Variants in DLGAP1 observed in about 807,000 individuals in gnomAD.
DLGAP1 encodes the protein DLG associated protein 1.
Under a neutral mutation model 90.8 loss-of-function variants are expected in DLGAP1, and 11 were observed. That is an observed-to-expected ratio of 0.12 (90% confidence interval 0.08 to 0.20). The LOEUF (loss-of-function observed/expected upper bound fraction) is 0.20. DLGAP1 is among the 10% of genes least tolerant of loss of function. DLGAP1 has a pLI of 1.00. For missense variants in DLGAP1, 1,050 were observed against 1,333.8 expected (o/e 0.79, Z 3.31); for synonymous variants, 558 against 540.7 (o/e 1.03, Z -0.44).
chr18:4,072,193 T>G (rs2075457510), intron 2 of DLGAP1, among the ~76,000 whole-genome samples: 1 of 152,154 alleles, frequency 6.6e-6, no homozygotes, highest in Non-Finnish European at 1.5e-5. Flanking sequence ...TCTGAAGACT[T>G]TCTCTTAGAA....
chr18:3,732,894 A>C (rs537286597), intron 6 of DLGAP1, among the ~76,000 whole-genome samples: 3 of 152,130 alleles, frequency 2.0e-5, no homozygotes, highest in Non-Finnish European at 4.4e-5. Flanking sequence ...TACTGGGTTA[A>C]TCATTGTTCT....
In DLGAP1 at chr18:4,136,589, T is replaced by C. The variant is rs917495653; in HGVS notation, c.-159+14591A>G. 8.5e-5 allele frequency among the ~76,000 whole-genome samples: 13 copies of C among 152,336 alleles called. 1 individual carries two copies. Among genetic ancestry groups the C allele is most frequent in the South Asian group, 6.2e-4 (3 of 4,834 alleles). ...TTTGCATATTTTTAAATTGCATTATTAGATATTTTCCTATAGATTTGCTTG... is the reference window on the plus strand; with the variant it reads ...TTTGCATATTTTTAAATTGCATTATCAGATATTTTCCTATAGATTTGCTTG... On this transcript the variant is annotated intron_variant, in intron 2 of 12. Transcript: ENST00000315677.
chr18:4,106,026 C>T (rs1396106335), intron 2 of DLGAP1, among the ~76,000 whole-genome samples: 3 of 89,420 alleles, frequency 3.4e-5, no homozygotes, highest in Admixed American at 3.5e-4. Flanking sequence ...AGCGAGGGTC[C>T]GTCTCAAAAA....
intron 7 of DLGAP1, among the ~76,000 whole-genome samples, chr18:3,633,801 G>A (rs145088586): frequency 1.3e-5 from 2 of 152,286 alleles, no homozygotes; most frequent in East Asian, 3.9e-4. Context: ...ACCCTCTAAA[G>A]TCCATTCATG....
intron 9 of DLGAP1, among the ~76,000 whole-genome samples, chr18:3,540,514 A>G (rs2144614827): frequency 6.6e-6 from 1 of 150,784 alleles, no homozygotes; most frequent in East Asian, 1.9e-4. Context: ...GCTCCCCCAA[A>G]AGAGGTTTAC....
intron 3 of DLGAP1, among the ~76,000 whole-genome samples, chr18:3,936,111 C>T (rs561432575): frequency 6.6e-6 from 1 of 152,124 alleles, no homozygotes; most frequent in Non-Finnish European, 1.5e-5. Context: ...CAGGCTGAAC[C>T]CCCCCAGAGA....
At chr18:3,912,780 A>T (rs1214079408) in intron 3 of DLGAP1, among the ~76,000 whole-genome samples, 1 of 151,986 alleles carries the variant, frequency 6.6e-6, no homozygotes, top group Non-Finnish European at 1.5e-5. Flanking sequence ...GACCAAGTCA[A>T]ATTTTCTTTC....
intron 10 of DLGAP1, among the ~76,000 whole-genome samples, chr18:3,515,328 A>G (rs921663546): frequency 5.3e-5 from 8 of 151,824 alleles, no homozygotes; most frequent in Non-Finnish European, 1.0e-4. Context: ...AAAATTAGCC[A>G]GGCGTGGTGG....
At chr18:4,026,247 C>A (rs1249575503) in intron 2 of DLGAP1, among the ~76,000 whole-genome samples, 1 of 152,102 alleles carries the variant, frequency 6.6e-6, no homozygotes, top group Admixed American at 6.6e-5. Context: ...TGAAACCATG[C>A]CAGGGGTCAG....
chr18:3,675,516 C>T (rs1242000635), intron 7 of DLGAP1, among the ~76,000 whole-genome samples: 2 of 152,252 alleles, frequency 1.3e-5, no homozygotes, highest in African/African-American at 2.4e-5. Flanking sequence ...TTGGGGCCCT[C>T]TGGCCTCAGA....
At chr18:4,179,934 T>G (rs2077178513) in intron 1 of DLGAP1, among the ~76,000 whole-genome samples, 1 of 152,110 alleles carries the variant, frequency 6.6e-6, no homozygotes, top group African/African-American at 2.4e-5. Flanking sequence ...ATCAGTTGTT[T>G]TGGGGTGAGT....
intron 1 of DLGAP1, among the ~76,000 whole-genome samples, chr18:4,390,218 T>A (rs1368872691): frequency 6.6e-6 from 1 of 151,926 alleles, no homozygotes; most frequent in African/African-American, 2.4e-5. Flanking sequence ...ATAAATCTTA[T>A]GTTTTTATAG....
At chr18:3,958,068 A>T (rs1041437153) in intron 3 of DLGAP1, among the ~76,000 whole-genome samples, 3 of 151,906 alleles carry the variant, frequency 2.0e-5, no homozygotes, top group Admixed American at 2.0e-4. Context: ...TAATCTTTGT[A>T]TTTTTAGTAG....
chr18:4,150,587 C>T (rs1482212339), intron 2 of DLGAP1, among the ~76,000 whole-genome samples: 1 of 152,188 alleles, frequency 6.6e-6, no homozygotes, highest in Non-Finnish European at 1.5e-5. Flanking sequence ...GCACCTGCCA[C>T]CACACCCAGC....
At chr18:3,678,018 A>G (rs368737636) in intron 7 of DLGAP1, among the ~76,000 whole-genome samples, 8 of 142,272 alleles carry the variant, frequency 5.6e-5, no homozygotes, top group African/African-American at 1.6e-4. Flanking sequence ...CTGGAGTGCA[A>G]TGGTGCAATC....
chr18:3,700,759 A>G (rs1039327953), intron 7 of DLGAP1, among the ~76,000 whole-genome samples: 8 of 151,824 alleles, frequency 5.3e-5, no homozygotes, highest in South Asian at 4.2e-4. Flanking sequence ...ACAGGCGCCC[A>G]CCACCACGCC....
At chr18:4,066,835 A>T (rs1326882953) in intron 2 of DLGAP1, among the ~76,000 whole-genome samples, 1 of 152,142 alleles carries the variant, frequency 6.6e-6, no homozygotes, top group African/African-American at 2.4e-5. Context: ...GTATATACTT[A>T]AAGGAATATA....
intron 4 of DLGAP1, among the ~76,000 whole-genome samples, chr18:3,815,707 T>C (rs1031005867): frequency 2.6e-5 from 4 of 152,168 alleles, no homozygotes; most frequent in African/African-American, 9.6e-5. Flanking sequence ...GATTTTCCAC[T>C]TCAACATGAA....
intron 1 of DLGAP1, among the ~76,000 whole-genome samples, chr18:4,304,748 T>C (rs1484401872): frequency 2.6e-5 from 4 of 152,102 alleles, no homozygotes; most frequent in Non-Finnish European, 5.9e-5. Flanking sequence ...CTGGCCAACA[T>C]GGTGAAACCT....
Sources: allele counts gnomAD v4.1 joint callset (sites outside exome capture counted in the v4.1 genomes callset), GRCh38; gene constraint gnomAD v4.1.1; transcripts MANE v1.5; gene names NCBI Gene and HGNC (gene_info 2026-07-23, HGNC 2026-07-21).